Variants in TBC1D9B observed in about 807,000 individuals in gnomAD.
TBC1D9B encodes TBC1 domain family, member 9B (with GRAM domain).
A neutral mutation model predicts 121.1 loss-of-function variants in TBC1D9B; 87 were observed. The ratio of observed to expected loss-of-function variants is 0.72; its 90% confidence interval spans 0.60 to 0.86. TBC1D9B has a LOEUF of 0.86. Ranked by LOEUF, TBC1D9B falls within the 40% of genes least tolerant of loss-of-function variation. The pLI is 0.00. For synonymous variants in TBC1D9B, 668 were observed against 670.1 expected (o/e 1.00, Z 0.05); for missense variants, 1,540 against 1,628.6 (o/e 0.95, Z 0.94).
At chr5:179,899,913 T>C (rs1208831481) in intron 2 of TBC1D9B, among the ~76,000 whole-genome samples, 9 of 151,998 alleles carry the variant, frequency 5.9e-5, no homozygotes, top group South Asian at 2.1e-4. Flanking sequence ...CTGTCCTCCA[T>C]AGGCCCAACG....
rs1760336162 is a variant in TBC1D9B, at chr5:179,875,629, G to A, written c.1900+291C>T. On this transcript the variant is annotated intron_variant, in intron 11 of 20. Coordinates refer to ENST00000355235, the MANE Select transcript of TBC1D9B (RefSeq NM_015043.4). This position sits in a 1 kb window ranked among gnomAD's most constrained non-coding sequence, Gnocchi z 4.5. ...GCAAGTCCATTTCCACTTCATAACA[G>A]ATTTCACTGGATATGAGTTCAGTAA... 6.6e-6 allele frequency among the ~76,000 whole-genome samples: 1 copy of A among 152,152 alleles called. No individual in the cohort carries two copies. Among genetic ancestry groups the A allele is most frequent in the Admixed American group, 6.5e-5 (1 of 15,276 alleles).
rs1761318668 is a variant in TBC1D9B at position 179,906,444 on chromosome 5, A to ATTTAT, written c.118+1259_118+1260insATAAA. ...CCCGTTCAATGAGACGACCCACATA[A>ATTTAT]GCCTGCCGAGCACAGCACAAGTGTT... On this transcript the variant is annotated intron_variant, in intron 1 of 20. Coordinates refer to ENST00000355235, the MANE Select transcript of TBC1D9B (RefSeq NM_015043.4). Among the ~76,000 whole-genome samples the ATTTAT allele has an allele frequency of 1.3e-5, 2 of 152,228 alleles. 1 individual carries two copies. The highest frequency in any genetic ancestry group is 1.3e-4 in the Admixed American group (2 of 15,288).
chr5:179,896,076 G>A (rs542869212), intron 3 of TBC1D9B, among the ~76,000 whole-genome samples: 147 of 123,446 alleles, frequency 1.2e-3, no homozygotes, highest in Non-Finnish European at 2.0e-3. Context: ...TTCATCCCAC[G>A]TATTTATCTT....
intron 10 of TBC1D9B, among the ~76,000 whole-genome samples, chr5:179,876,307 A>G (rs1760359347): frequency 1.3e-5 from 2 of 152,250 alleles, no homozygotes; most frequent in Admixed American, 1.3e-4. Context: ...AATTTGTAGG[A>G]AACTGATGGA....
At position 179,907,856 on chromosome 5, in the gene TBC1D9B, G is replaced by C. The variant is rs1427221528; in HGVS notation, c.-35C>G. ...GCTCGCACCGGGCCGAGGCCCGCGA[G>C]ACGGAAGCGCCCGCCGCCGTCGGCG... On this transcript the variant is annotated 5_prime_UTR_variant, in exon 1 of 21. Coordinates refer to ENST00000355235, the MANE Select transcript of TBC1D9B (RefSeq NM_015043.4). This position sits in a 1 kb window ranked among gnomAD's most constrained non-coding sequence, Gnocchi z 5.3. 6 of 1,044,578 alleles carry C rather than the reference G, an allele frequency of 5.7e-6. No individual in the cohort carries two copies. The highest frequency in any genetic ancestry group is 7.0e-6 in the Non-Finnish European group (6 of 861,816). 64.7% of individuals were successfully genotyped at this position (1,044,578 alleles called of 1,614,324 possible).
chr5:179,894,154 G>A (rs1469425626), intron 4 of TBC1D9B, among the ~76,000 whole-genome samples: 3 of 152,310 alleles, frequency 2.0e-5, no homozygotes, highest in Non-Finnish European at 4.4e-5. Context: ...GGGCAGGCAC[G>A]CGGAGTCACC....
In TBC1D9B at chr5:179,863,772, C is replaced by T. The variant is rs1759920193; in HGVS notation, c.3378G>A (p.Leu1126=). The change falls in exon 21 of 21, where the codon CTG becomes CTA. Residue 1126 remains leucine, a synonymous_variant. Coordinates refer to ENST00000355235, the MANE Select transcript of TBC1D9B (RefSeq NM_015043.4). The surrounding 1 kb of genome is among the most constrained non-coding windows in gnomAD (Gnocchi z 4.5). ...TGTCGTCTTTGGTTTCATCGTCAGA[C>T]AGCAGCTGGGAGGGTGAGCCCTGTC... The part of the protein sequence containing the change: ...GEGQGSPSQL[L]SDDETKDDMS... The T allele has an allele frequency of 6.2e-7, 1 of 1,613,574 alleles. No homozygotes were observed.
rs530932991 is a variant in TBC1D9B at position 179,904,958 on chromosome 5, G to A, written c.119-146C>T. On this transcript the variant is annotated intron_variant, in intron 1 of 20. Coordinates refer to ENST00000355235, the MANE Select transcript of TBC1D9B (RefSeq NM_015043.4). This position sits in a 1 kb window ranked among gnomAD's most constrained non-coding sequence, Gnocchi z 4.2. The stretch of plus-strand genomic sequence containing the variant: ...GGGAAACGTCCGGAATGACCCCTGC[G>A]GTCAAAGGCCTTCAGCCAGTGTCTG... The A allele has an allele frequency of 6.4e-5, 38 of 590,470 alleles. No homozygotes were observed. The highest frequency in any genetic ancestry group is 3.7e-4 in the African/African-American group (19 of 51,494). The allele number at this position is 590,470 out of a possible 1,614,324, so 36.6% of individuals were successfully genotyped here.
At chr5:179,870,800 C>G (rs1760170855) in intron 15 of TBC1D9B, 1 of 396,704 alleles carries the variant, frequency 2.5e-6, no homozygotes, top group African/African-American at 2.0e-5. Context: ...AACAAGAGGC[C>G]TGAGGCTTGC....
In TBC1D9B at chr5:179,874,966, C is replaced by T. The variant is rs746636235; in HGVS notation, c.2122G>A (p.Asp708Asn). Reference protein sequence around the residue: ...VILQVALAVLDANMEQLLGCS... With the variant: ...VILQVALAVLNANMEQLLGCS... ...CCCAGCAGCTGCTCCATGTTGGCGT[C>T]CAGGACGGCCAGGGCCACCTGCAGG... The change falls in exon 12 of 21, where the codon GAC becomes AAC. Residue 708 changes from aspartate (D) to asparagine (N), a missense_variant. By Grantham distance (23) the Asp-to-Asn change is conservative. Transcript: ENST00000355235. The surrounding 1 kb of genome is among the most constrained non-coding windows in gnomAD (Gnocchi z 4.3). 2 of 1,613,806 alleles carry T rather than the reference C, an allele frequency of 1.2e-6. No homozygotes were observed. Among genetic ancestry groups the T allele is most frequent in the East Asian group, 2.2e-5 (1 of 44,882 alleles).
rs1760746203 is a variant in TBC1D9B, at chr5:179,888,155, T to G, written c.1202A>C (p.Gln401Pro). Residue 401 changes from glutamine (Q) to proline (P), a missense_variant, in exon 7 of 21, where the codon CAG becomes CCG. Coordinates refer to ENST00000355235, the MANE Select transcript of TBC1D9B (RefSeq NM_015043.4). ...TTTCCTGCTCCCGATACTGCCTGGC[T>G]GCTTGGATGGTGTTTTCTGGAGGAA... ...SDFLQKTPSK[Q>P]PGSIGSRKAS... is the part of the protein sequence containing the mutation. The G allele has an allele frequency of 2.5e-6, 4 of 1,613,802 alleles. No homozygotes were observed. Among genetic ancestry groups the G allele is most frequent in the Non-Finnish European group, 3.4e-6 (4 of 1,179,908 alleles).
In TBC1D9B at chr5:179,885,972, G is replaced by T. The variant is rs1057125053; in HGVS notation, c.1254+2131C>A. ...AGTCTCCTAAGCCCTGGTCCCAGAA[G>T]CCCGTGCCACATCCAATCCTGTCTC... On this transcript the variant is annotated intron_variant, in intron 7 of 20. Coordinates refer to ENST00000355235, the MANE Select transcript of TBC1D9B (RefSeq NM_015043.4). This position sits in a 1 kb window ranked among gnomAD's most constrained non-coding sequence, Gnocchi z 4.5. 1.3e-5 allele frequency among the ~76,000 whole-genome samples: 2 copies of T among 152,282 alleles called. No individual in the cohort carries two copies. The highest frequency in any genetic ancestry group is 4.8e-5 in the African/African-American group (2 of 41,558).
At position 179,888,167 on chromosome 5, in the gene TBC1D9B, G is replaced by A. The variant is rs1760747162; in HGVS notation, c.1190C>T (p.Thr397Ile). 1.9e-6 allele frequency: 3 copies of A among 1,613,654 alleles called. No homozygotes were observed. The highest frequency in any genetic ancestry group is 2.2e-5 in the South Asian group (2 of 91,066). The change falls in exon 7 of 21, where the codon ACA (threonine) becomes ATA (isoleucine). Residue 397 changes from threonine (T) to isoleucine (I), a missense_variant. Coordinates refer to ENST00000355235, the MANE Select transcript of TBC1D9B (RefSeq NM_015043.4). ...VQRISDFLQKTPSKQPGSIGS... is the reference protein window; with the variant it reads ...VQRISDFLQKIPSKQPGSIGS... ...GATACTGCCTGGCTGCTTGGATGGT[G>A]TTTTCTGGAGGAAGTCAGAGATCCT...
chr5:179,878,642 A>T, intron 9 of TBC1D9B, 119 bp from the exon 10 acceptor site: 1 of 1,002,898 alleles, frequency 1.0e-6, no homozygotes, highest in Non-Finnish European at 1.5e-6. Context: ...GGGGTCAAGC[A>T]CAAGCTGCGA....
intron 16 of TBC1D9B, 42 bp from the exon 17 acceptor site, chr5:179,869,876 T>G (rs1383265956): frequency 6.6e-7 from 1 of 1,514,852 alleles, no homozygotes; most frequent in East Asian, 2.3e-5. Context: ...GCAACATGGC[T>G]GCAGAGCCCC....
At chr5:179,868,648 CTCCCT>C (rs1460883516) in intron 17 of TBC1D9B, 1 of 152,272 alleles carries the variant, frequency 6.6e-6, no homozygotes, top group African/African-American at 2.4e-5. Context: ...ACTTGCTGCT[CTCCCT>C]TTGGGTAGCT....
chr5:179,869,599 C>A (rs1451321420), intron 17 of TBC1D9B, 170 bp downstream of exon 17: 5 of 749,094 alleles, frequency 6.7e-6, no homozygotes, highest in Middle Eastern at 2.3e-4. Flanking sequence ...TGCTCTCAGA[C>A]CTCTGTGAAG....
chr5:179,881,830 C>T (rs946720487), intron 7 of TBC1D9B, among the ~76,000 whole-genome samples: 1 of 152,134 alleles, frequency 6.6e-6, no homozygotes, highest in Non-Finnish European at 1.5e-5. Flanking sequence ...AGCTAGCAGG[C>T]CTTTTCTTCC....
In TBC1D9B at chr5:179,870,434, G is replaced by A. The variant is rs2113606844; in HGVS notation, c.2546C>T (p.Pro849Leu). 1 of 1,613,298 alleles carries A rather than the reference G, an allele frequency of 6.2e-7. No individual in the cohort carries two copies. The highest frequency in any genetic ancestry group is 8.5e-7 in the Non-Finnish European group (1 of 1,179,992). ...GTACTGCTCCAGGTAGGGCAGGCTG[G>A]GGTCCCGACGGCCGGCCATTGTGCG... is the stretch of plus-strand genomic sequence containing the variant. ...CSRTMAGRRD[P>L]SLPYLEQYRI... The change falls in exon 16 of 21, where the codon CCC (proline) becomes CTC (leucine). Residue 849 changes from proline to leucine, a missense_variant. Coordinates refer to ENST00000355235, the MANE Select transcript of TBC1D9B (RefSeq NM_015043.4).
Sources: gnomAD v4.1 joint callset for allele counts (sites outside exome capture counted in the v4.1 genomes callset) on GRCh38, gnomAD v4.1.1 for gene constraint, Gnocchi (gnomAD v3.1) non-coding constraint, MANE v1.5 for transcripts, NCBI Gene and HGNC (gene_info 2026-07-23, HGNC 2026-07-21) for gene names.